SPAG16: variants seen among roughly 807,000 people sequenced by gnomAD.
SPAG16 encodes the protein sperm-associated antigen 16 protein.
In SPAG16, 86 loss-of-function variants were observed where a neutral mutation model predicts 80.4. The ratio of observed to expected loss-of-function variants is 1.07; its 90% CI spans 0.90 to 1.28. SPAG16 has a LOEUF of 1.28. SPAG16 is among the 50% of genes most tolerant of loss of function. The probability of loss-of-function intolerance (pLI) is 0.00; values close to 1 mark genes in which losing one functional copy is unlikely to be tolerated. For synonymous variants in SPAG16, 294 were observed against 265.9 expected, an observed-to-expected ratio of 1.11 and a Z score of -1.03; for missense variants, 870 against 765.3, an observed-to-expected ratio of 1.14 and a Z score of -1.61.
At chr2:213,503,755 T>TA (rs1240868149) in intron 10 of SPAG16, among the ~76,000 whole-genome samples, 1 of 152,112 alleles carries the variant, frequency 6.6e-6, no homozygotes, top group Non-Finnish European at 1.5e-5. Context: ...AGTGAAATGG[T>TA]AAAATACAGA....
chr2:214,110,547 T>C (rs1336733080), intron 14 of SPAG16, among the ~76,000 whole-genome samples: 2 of 152,210 alleles, frequency 1.3e-5, no homozygotes, highest in African/African-American at 4.8e-5. Context: ...TGATGGACAT[T>C]TGCGTTGGTT....
chr2:214,208,614 A>G lies in SPAG16; in HGVS notation c.1720+59348A>G, dbSNP rs76191561. ...CTAGAATGAATTAATCCAAATTTCAACTCTCCCACTGTGTAACTGGATTAA... is the reference window on the plus strand; with the variant it reads ...CTAGAATGAATTAATCCAAATTTCAGCTCTCCCACTGTGTAACTGGATTAA... On this transcript the variant is annotated intron_variant, in intron 15 of 15. Transcript: ENST00000331683. Among the ~76,000 whole-genome samples the G allele has an allele frequency of 7.8e-3, 1,189 of 151,954 alleles. 13 individuals carry two copies. Among genetic ancestry groups the G allele is most frequent in the African/African-American group, 0.027 (1,120 of 41,418 alleles).
chr2:214,299,124 G>T (rs913961984), intron 15 of SPAG16, among the ~76,000 whole-genome samples: 2 of 151,862 alleles, frequency 1.3e-5, no homozygotes, highest in African/African-American at 4.8e-5. Context: ...CAGAGGGTGT[G>T]TAGTAAGAAA....
chr2:214,340,882 A>G (rs1236763780), intron 15 of SPAG16, among the ~76,000 whole-genome samples: 1 of 152,170 alleles, frequency 6.6e-6, no homozygotes, highest in Non-Finnish European at 1.5e-5. Context: ...GATAAAATCA[A>G]CCTAAGTGAA....
At chr2:213,302,592 A>G (rs1371722368) in intron 3 of SPAG16, 1 of 150,816 alleles carries the variant, frequency 6.6e-6, no homozygotes, top group Non-Finnish European at 1.5e-5. Context: ...GGTAAAAGAG[A>G]TATTCATGAT....
chr2:214,240,852 A>C (rs1689412943), intron 15 of SPAG16: 1 of 152,192 alleles, frequency 6.6e-6, no homozygotes, highest in African/African-American at 2.4e-5. Context: ...ATGTATGCTG[A>C]AAAAGTTCAT....
At chr2:214,167,443 A>G (rs1377676375) in intron 15 of SPAG16, among the ~76,000 whole-genome samples, 1 of 152,016 alleles carries the variant, frequency 6.6e-6, no homozygotes, top group Non-Finnish European at 1.5e-5. Context: ...AATTTGTGTT[A>G]TGTGTTCAGC....
intron 10 of SPAG16, among the ~76,000 whole-genome samples, chr2:213,681,864 C>T (rs564915929): frequency 6.6e-6 from 1 of 152,256 alleles, no homozygotes; most frequent in African/African-American, 2.4e-5. Context: ...TTTCCACTCC[C>T]CATCTGTATT....
intron 10 of SPAG16, among the ~76,000 whole-genome samples, chr2:213,843,381 C>T (rs1157572194): frequency 6.6e-6 from 1 of 152,142 alleles, no homozygotes; most frequent in Non-Finnish European, 1.5e-5. Flanking sequence ...TTATTCACAA[C>T]TTTCTACAAT....
intron 11 of SPAG16, among the ~76,000 whole-genome samples, chr2:213,904,600 C>CAAAAA (rs34952255): frequency 7.8e-5 from 7 of 89,466 alleles, no homozygotes; most frequent in African/African-American, 1.7e-4. Context: ...ATAAATTTTG[C>CAAAAA]AAAAAAAAAA....
chr2:213,682,145 T>C (rs181916613), intron 10 of SPAG16, among the ~76,000 whole-genome samples: 2 of 152,332 alleles, frequency 1.3e-5, no homozygotes, highest in African/African-American at 2.4e-5. Context: ...ATACCTTGAA[T>C]TGACTCCTAT....
intron 11 of SPAG16, among the ~76,000 whole-genome samples, chr2:213,900,276 G>A (rs1005410071): frequency 6.6e-6 from 1 of 152,038 alleles, no homozygotes; most frequent in Non-Finnish European, 1.5e-5. Context: ...GTCTCCATTT[G>A]TTACAAGTTA....
At chr2:213,335,084 A>T (rs1044289782) in intron 5 of SPAG16, among the ~76,000 whole-genome samples, 3 of 152,166 alleles carry the variant, frequency 2.0e-5, no homozygotes, top group Admixed American at 2.0e-4. Context: ...TACCCACAAA[A>T]ATTTTAAAAA....
chr2:213,662,006 A>G (rs2063443317), intron 10 of SPAG16, among the ~76,000 whole-genome samples: 1 of 152,152 alleles, frequency 6.6e-6, no homozygotes, highest in African/African-American at 2.4e-5. Flanking sequence ...TCTAAAATAT[A>G]TTTCTATCTT....
intron 10 of SPAG16, among the ~76,000 whole-genome samples, chr2:213,538,819 CTATT>C (rs897288014): frequency 2.8e-5 from 3 of 105,668 alleles, no homozygotes; most frequent in African/African-American, 7.9e-5. Flanking sequence ...ATGTACGTAT[CTATT>C]TATCTATTTA....
chr2:213,799,582 T>G (rs1042265113), intron 10 of SPAG16, among the ~76,000 whole-genome samples: 1 of 152,098 alleles, frequency 6.6e-6, no homozygotes, highest in Admixed American at 6.5e-5. Context: ...TTTTAACAAA[T>G]TTTTGCACAA....
At chr2:213,968,582 A>T (rs907617415) in intron 12 of SPAG16, among the ~76,000 whole-genome samples, 3 of 152,198 alleles carry the variant, frequency 2.0e-5, no homozygotes, top group African/African-American at 7.2e-5. Flanking sequence ...CTGAATTAAA[A>T]TCCTGTATGT....
At position 214,163,635 on chromosome 2, in the gene SPAG16, T is replaced by TAG. The variant is rs1363184791; in HGVS notation, c.1720+14370_1720+14371insGA. On this transcript the variant is annotated intron_variant, in intron 15 of 15. Coordinates refer to ENST00000331683, the MANE Select transcript of SPAG16 (RefSeq NM_024532.5). ...ATATACACACATATATACATATATA[T>TAG]ATAGAGAGAGAGAGAGAAAGAGAGA... Among the ~76,000 whole-genome samples the TAG allele has an allele frequency of 6.2e-3, 717 of 115,024 alleles. 9 individuals are homozygous for TAG. Among genetic ancestry groups the TAG allele is most frequent in the South Asian group, 0.035 (120 of 3,462 alleles). 75.5% of individuals were successfully genotyped at this position (115,024 alleles called of 152,430 possible).
chr2:213,499,839 C>T (rs1327940232), intron 10 of SPAG16, among the ~76,000 whole-genome samples: 1 of 152,132 alleles, frequency 6.6e-6, no homozygotes, highest in Admixed American at 6.5e-5. Flanking sequence ...GTTTCTTACT[C>T]TTGCTTGTCT....
Sources: gnomAD v4.1 joint callset for allele counts (sites outside exome capture counted in the v4.1 genomes callset) on GRCh38, gnomAD v4.1.1 for gene constraint, MANE v1.5 for transcripts, NCBI Gene and HGNC (gene_info 2026-07-23, HGNC 2026-07-21) for gene names.